SLC23A2: variants seen among roughly 807,000 people sequenced by gnomAD.
SLC23A2 encodes solute carrier family 23 member 2, also known as Na(+)/L-ascorbic acid transporter 2.
Under a neutral mutation model 73.3 loss-of-function variants are expected in SLC23A2, and 36 were observed. The ratio of observed to expected loss-of-function variants is 0.49; its 90% CI spans 0.38 to 0.65. The LOEUF is 0.65. Among genes scored for constraint, SLC23A2 ranks in the 30% least tolerant of loss-of-function variants. SLC23A2 has a pLI of 0.00. For synonymous variants in SLC23A2, 343 were observed against 327.3 expected (o/e 1.05, Z -0.52); for missense variants, 507 against 841.6 (o/e 0.60, Z 4.92).
At chr20:4,906,999 T>C (rs1375089815) in intron 4 of SLC23A2, among the ~76,000 whole-genome samples, 1 of 152,166 alleles carries the variant, frequency 6.6e-6, no homozygotes, top group Non-Finnish European at 1.5e-5. Context: ...AGAGTAGCAA[T>C]GGGGAGAGGA....
At chr20:4,968,652 T>C (rs775867390) in intron 2 of SLC23A2, among the ~76,000 whole-genome samples, 1 of 152,034 alleles carries the variant, frequency 6.6e-6, no homozygotes, top group Non-Finnish European at 1.5e-5. Flanking sequence ...GAGCCAGGTG[T>C]CCTCTTCCTT....
In SLC23A2 at chr20:4,894,756, C is replaced by A. The variant is rs188384961; in HGVS notation, c.482+4799G>T. ...CACATCTGTTTCACTGTGTCTTCTG[C>A]AAAGACACACATCTGTTTCACTGTG... On this transcript the variant is annotated intron_variant, in intron 6 of 16. Transcript: ENST00000338244. 3.2e-3 allele frequency among the ~76,000 whole-genome samples: 486 copies of A among 152,308 alleles called. 6 individuals carry two copies. Among genetic ancestry groups the A allele is most frequent in the Admixed American group, 6.3e-3 (97 of 15,306 alleles).
chr20:4,958,006 A>C (rs1010639477), intron 2 of SLC23A2, among the ~76,000 whole-genome samples: 1 of 152,242 alleles, frequency 6.6e-6, no homozygotes, highest in African/African-American at 2.4e-5. Context: ...CATGATTCAG[A>C]ATGTGTGCTG....
rs1478904325 is a variant in SLC23A2 at position 4,884,730 on chromosome 20, A to G, written c.642+23T>C. 1.9e-6 allele frequency: 3 copies of G among 1,574,156 alleles called. No individual in the cohort carries two copies. In the Admixed American group the frequency reaches 5.0e-5, roughly 26 times the overall value. ...TGAGAAGAAACATGAAGAAGCCAAAAGCAGACAACGCTTGTCTTTTACCTC... is the reference window on the plus strand; with the variant it reads ...TGAGAAGAAACATGAAGAAGCCAAAGGCAGACAACGCTTGTCTTTTACCTC... On this transcript the variant is annotated intron_variant, in intron 8 of 16. Coordinates refer to ENST00000338244, the MANE Select transcript of SLC23A2 (RefSeq NM_005116.6).
intron 1 of SLC23A2, among the ~76,000 whole-genome samples, chr20:4,997,001 C>T (rs940579305): frequency 6.6e-6 from 1 of 152,156 alleles, no homozygotes; most frequent in Non-Finnish European, 1.5e-5. Flanking sequence ...CCAGCTCCTC[C>T]AGCATCTCAG....
At chr20:4,893,912 G>T (rs1381802049) in intron 6 of SLC23A2, among the ~76,000 whole-genome samples, 1 of 152,158 alleles carries the variant, frequency 6.6e-6, no homozygotes. Flanking sequence ...CAGCCTGCGG[G>T]AAAGTCAGTG....
intron 1 of SLC23A2, among the ~76,000 whole-genome samples, chr20:4,976,628 T>C (rs1252318397): frequency 8.1e-5 from 12 of 148,298 alleles, no homozygotes; most frequent in Admixed American, 7.5e-4. Flanking sequence ...TGCGCCGAGA[T>C]CATGGCATTG....
chr20:4,977,699 A>C (rs6139595), intron 1 of SLC23A2, among the ~76,000 whole-genome samples: 15,546 of 140,198 alleles, frequency 0.11, 831 homozygotes, highest in East Asian at 0.2. Context: ...CTCTGTCCCC[A>C]AAAAAAAAAA....
intron 1 of SLC23A2, among the ~76,000 whole-genome samples, chr20:4,990,481 T>C (rs1376557871): frequency 1.3e-5 from 2 of 151,696 alleles, no homozygotes; most frequent in Admixed American, 1.3e-4. Context: ...TTGATTCCCA[T>C]GCTACTCAGC....
At position 4,956,800 on chromosome 20, in the gene SLC23A2, CTTTTTTTTTTT is replaced by C. The variant is rs759658782; in HGVS notation, c.-155+13982_-155+13992del. On this transcript the variant is annotated intron_variant, in intron 2 of 16. Coordinates refer to ENST00000338244, the MANE Select transcript of SLC23A2 (RefSeq NM_005116.6). ...TGCCCTCCCCTCTCCCTTCCCTCTT[CTTTTTTTTTTT>C]TTTTTTTTTTTCTGAGACAGAGTTT... Among the ~76,000 whole-genome samples, 82 of 111,932 alleles carry C rather than the reference CTTTTTTTTTTT, an allele frequency of 7.3e-4. 1 individual carries two copies. Among genetic ancestry groups the C allele is most frequent in the Non-Finnish European group, 1.4e-3 (78 of 54,120 alleles). 73.4% of individuals were successfully genotyped at this position (111,932 alleles called of 152,430 possible).
intron 1 of SLC23A2, among the ~76,000 whole-genome samples, chr20:4,996,680 CA>C (rs759221022): frequency 1.1e-5 from 1 of 93,242 alleles, no homozygotes; most frequent in Non-Finnish European, 2.0e-5. Context: ...AGCAAGATTC[CA>C]TCTCAAAAAA....
intron 2 of SLC23A2, among the ~76,000 whole-genome samples, chr20:4,936,753 T>A (rs1299165411): frequency 6.6e-6 from 1 of 152,180 alleles, no homozygotes; most frequent in Non-Finnish European, 1.5e-5. Context: ...TTCCAGCAAG[T>A]AACTGTGCTC....
chr20:4,908,897 G>A (rs1932049135), intron 4 of SLC23A2, among the ~76,000 whole-genome samples: 1 of 152,232 alleles, frequency 6.6e-6, no homozygotes, highest in Non-Finnish European at 1.5e-5. Flanking sequence ...TTGTGCCACT[G>A]CATTCCAGCC....
At chr20:4,866,565 C>G (rs13045713) in intron 13 of SLC23A2, among the ~76,000 whole-genome samples, 40,702 of 152,102 alleles carry the variant, frequency 0.27, 5,595 homozygotes, top group Middle Eastern at 0.32. Context: ...CTCACATCCC[C>G]CATACAGGGA....
chr20:4,917,799 C>T (rs1394275096), intron 3 of SLC23A2, among the ~76,000 whole-genome samples: 1 of 152,126 alleles, frequency 6.6e-6, no homozygotes, highest in African/African-American at 2.4e-5. Context: ...AAGACGGGGA[C>T]ACCAGCTGGA....
At chr20:4,882,738 T>C (rs919088954) in intron 9 of SLC23A2, among the ~76,000 whole-genome samples, 20 of 152,204 alleles carry the variant, frequency 1.3e-4, no homozygotes, top group African/African-American at 3.1e-4. Flanking sequence ...TGATACTATA[T>C]ACAAGTGTTA....
intron 2 of SLC23A2, among the ~76,000 whole-genome samples, chr20:4,967,335 T>C (rs2087489873): frequency 6.6e-6 from 1 of 152,194 alleles, no homozygotes; most frequent in Non-Finnish European, 1.5e-5. Flanking sequence ...ACTTAGACAA[T>C]TTATAAACAG....
Position 4,867,762 on chromosome 20 carries a change from C to G in SLC23A2, c.1356+8G>C. 1.3e-6 allele frequency: 2 copies of G among 1,481,706 alleles called. No individual in the cohort carries two copies. Among genetic ancestry groups the G allele is most frequent in the Non-Finnish European group, 1.9e-6 (2 of 1,062,546 alleles). The allele number at this position is 1,481,706 out of a possible 1,614,324, so 91.8% of individuals were successfully genotyped here. On this transcript the variant is annotated splice_region_variant and intron_variant, in intron 13 of 16. Coordinates refer to ENST00000338244, the MANE Select transcript of SLC23A2 (RefSeq NM_005116.6). ...AACCCAATCATTTAATTAGAAAAAT[C>G]TGTGTACCTTTGTAATTCCCAAAAC...
chr20:4,968,143 C>T (rs1336210092), intron 2 of SLC23A2, among the ~76,000 whole-genome samples: 2 of 152,178 alleles, frequency 1.3e-5, no homozygotes, highest in Non-Finnish European at 2.9e-5. Context: ...AGAGAAAACA[C>T]ATACAACCAT....
Sources: allele counts gnomAD v4.1 joint callset (sites outside exome capture counted in the v4.1 genomes callset), GRCh38; gene constraint gnomAD v4.1.1; transcripts MANE v1.5; gene names NCBI Gene and HGNC (gene_info 2026-07-23, HGNC 2026-07-21).